The following CEP97 variants were observed in gnomAD, a reference collection of about 807,000 sequenced individuals.
CEP97 encodes centrosomal protein of 97 kDa.
A neutral mutation model predicts 73.1 loss-of-function variants in CEP97; 43 were observed. The observed-to-expected ratio is 0.59, with a 90% CI of 0.46 to 0.76. CEP97 has a LOEUF of 0.76. CEP97 is among the 30% of genes least tolerant of loss of function. The pLI, the probability that CEP97 is intolerant of heterozygous loss-of-function variation, is 0.00. For missense variants in CEP97, 939 were observed against 1,014.0 expected, an observed-to-expected ratio of 0.93 and a Z score of 1.00; for synonymous variants, 337 against 370.0, an observed-to-expected ratio of 0.91 and a Z score of 1.02.
intron 7 of CEP97, 72 bp from the exon 8 acceptor site, chr3:101,756,991 G>T: frequency 1.4e-6 from 2 of 1,392,266 alleles, no homozygotes; most frequent in South Asian, 1.5e-5. Flanking sequence ...TTTTGACATT[G>T]TTACCTAGGA....
intron 10 of CEP97, among the ~76,000 whole-genome samples, chr3:101,763,377 A>G (rs936751843): frequency 7.9e-5 from 12 of 152,022 alleles, no homozygotes; most frequent in African/African-American, 2.4e-5. Context: ...ACATGGAAAG[A>G]TCTCCAAAAT....
At chr3:101,735,164 A>C (rs1162321145) in intron 6 of CEP97, among the ~76,000 whole-genome samples, 3 of 152,264 alleles carry the variant, frequency 2.0e-5, no homozygotes, top group Non-Finnish European at 4.4e-5. Context: ...GTGTCAAGAC[A>C]GAAAATATTT....
At chr3:101,751,077 G>A (rs1938797941) in intron 6 of CEP97, among the ~76,000 whole-genome samples, 1 of 152,178 alleles carries the variant, frequency 6.6e-6, no homozygotes, top group Non-Finnish European at 1.5e-5. Flanking sequence ...TCTACACACT[G>A]CTTTGAATGT....
intron 6 of CEP97, among the ~76,000 whole-genome samples, chr3:101,753,776 G>A (rs1031636846): frequency 3.9e-5 from 6 of 152,204 alleles, no homozygotes; most frequent in African/African-American, 1.4e-4. Context: ...ATTAGGGTGG[G>A]AGTGACCCGA....
chr3:101,755,602 C>A lies in CEP97; in HGVS notation c.893+8C>A, dbSNP rs1351392853. 6.2e-7 allele frequency: 1 copy of A among 1,613,176 alleles called. No homozygotes were observed. The highest frequency in any genetic ancestry group is 8.5e-7 in the Non-Finnish European group (1 of 1,179,290). ...GATTTTGAGCAAACAGAGGTAAGCC[C>A]ATTTATTTCTAACAACTGATGAATT... On this transcript the variant is annotated splice_region_variant and intron_variant, in intron 7 of 10. Coordinates refer to ENST00000341893, the MANE Select transcript of CEP97 (RefSeq NM_024548.4).
intron 9 of CEP97, among the ~76,000 whole-genome samples, chr3:101,759,925 A>C (rs1245943333): frequency 6.6e-6 from 1 of 151,050 alleles, no homozygotes; most frequent in Non-Finnish European, 1.5e-5. Context: ...AGGAGAATCT[A>C]GATTAAAGGA....
At chr3:101,752,002 A>G (rs1242023519) in intron 6 of CEP97, among the ~76,000 whole-genome samples, 1 of 152,100 alleles carries the variant, frequency 6.6e-6, no homozygotes, top group Non-Finnish European at 1.5e-5. Flanking sequence ...GGTCTTTACA[A>G]TTTGGCATGA....
At chr3:101,741,749 G>T (rs1044013389) in intron 6 of CEP97, among the ~76,000 whole-genome samples, 3 of 152,096 alleles carry the variant, frequency 2.0e-5, no homozygotes, top group Non-Finnish European at 4.4e-5. Context: ...TCATTAAAAA[G>T]TCAGGAAACA....
intron 6 of CEP97, among the ~76,000 whole-genome samples, chr3:101,736,719 A>G (rs758870006): frequency 3.3e-5 from 5 of 152,246 alleles, no homozygotes; most frequent in Non-Finnish European, 7.3e-5. Context: ...CCAATAGTAG[A>G]TAAATCCACG....
intron 6 of CEP97, among the ~76,000 whole-genome samples, chr3:101,745,513 G>C (rs189775849): frequency 8.6e-5 from 13 of 151,524 alleles, no homozygotes; most frequent in African/African-American, 3.1e-4. Flanking sequence ...GGATCCTCCC[G>C]CCTCAGCCTC....
chr3:101,734,951 G>C (rs1938227554), intron 6 of CEP97, among the ~76,000 whole-genome samples: 1 of 152,168 alleles, frequency 6.6e-6, no homozygotes, highest in African/African-American at 2.4e-5. Context: ...TAGCTGTGTG[G>C]CCTTGTCAAG....
At chr3:101,758,467 G>A in intron 9 of CEP97, 44 bp downstream of exon 9, 1 of 1,602,838 alleles carries the variant, frequency 6.2e-7, no homozygotes, top group Non-Finnish European at 8.5e-7. Context: ...TTGGTTTGAG[G>A]GTGTTAGATT....
intron 6 of CEP97, among the ~76,000 whole-genome samples, chr3:101,741,117 C>T (rs1938439690): frequency 6.6e-6 from 1 of 152,166 alleles, no homozygotes; most frequent in African/African-American, 2.4e-5. Context: ...AGAAATAACA[C>T]CACACATCTA....
At chr3:101,738,011 C>CAAAAAA (rs770745532) in intron 6 of CEP97, among the ~76,000 whole-genome samples, 30 of 44,212 alleles carry the variant, frequency 6.8e-4, no homozygotes, top group East Asian at 8.6e-4. Context: ...AAATGGAAAG[C>CAAAAAA]AAAAAAAAAA....
At chr3:101,753,685 G>A (rs544472137) in intron 6 of CEP97, among the ~76,000 whole-genome samples, 3 of 152,178 alleles carry the variant, frequency 2.0e-5, no homozygotes, top group East Asian at 1.9e-4. Context: ...GTGAGACTCC[G>A]TGGGCGTAGG....
rs1179635884 is a variant in CEP97 at position 101,766,459 on chromosome 3, G to A, written c.*908G>A. The stretch of plus-strand genomic sequence containing the variant: ...TATATATTTCAGCAGAAGGTCCGTG[G>A]CCATTCACTTCAATTTTGACCTCTG... On this transcript the variant is annotated 3_prime_UTR_variant, in exon 11 of 11. Transcript: ENST00000341893. The A allele has an allele frequency of 6.6e-6, 1 of 152,480 alleles. No individual in the cohort carries two copies. The highest frequency in any genetic ancestry group is 1.5e-5 in the Non-Finnish European group (1 of 68,014). The allele number at this position is 152,480 out of a possible 1,614,324, so 9.4% of individuals were successfully genotyped here.
chr3:101,740,185 GTC>G (rs1455666423), intron 6 of CEP97, among the ~76,000 whole-genome samples: 1 of 152,144 alleles, frequency 6.6e-6, no homozygotes, highest in East Asian at 1.9e-4. Flanking sequence ...AAGTCAAATT[GTC>G]TCTGTTTGCA....
intron 9 of CEP97, among the ~76,000 whole-genome samples, chr3:101,759,996 TAAG>T (rs1211454969): frequency 7.6e-5 from 4 of 52,804 alleles, no homozygotes; most frequent in East Asian, 9.6e-4. Flanking sequence ...AATGAATAAA[TAAG>T]GAGGGAAAAA....
intron 3 of CEP97, among the ~76,000 whole-genome samples, chr3:101,728,427 ATTTTTAGTATT>A (rs1434872748): frequency 6.6e-6 from 1 of 151,958 alleles, no homozygotes; most frequent in African/African-American, 2.4e-5. Context: ...TGCCTGGCTA[ATTTTTAGTATT>A]TTTTTAGTAG....
Sources: allele counts gnomAD v4.1 joint callset (sites outside exome capture counted in the v4.1 genomes callset), GRCh38; gene constraint gnomAD v4.1.1; transcripts MANE v1.5; gene names NCBI Gene and HGNC (gene_info 2026-07-23, HGNC 2026-07-21).